Variants in FRMD4A observed in about 807,000 individuals in gnomAD.
The protein encoded by FRMD4A is FERM domain-containing protein 4A.
A neutral mutation model predicts 129.1 loss-of-function variants in FRMD4A; 29 were observed. The ratio of observed to expected loss-of-function variants is 0.22; its 90% CI spans 0.17 to 0.31. FRMD4A has a LOEUF of 0.31. Ranked by LOEUF, FRMD4A falls within the 10% of genes least tolerant of loss-of-function variation. The pLI is 1.00. For synonymous variants in FRMD4A, 634 were observed against 571.6 expected, an observed-to-expected ratio of 1.11 and a Z score of -1.56; for missense variants, 1,272 against 1,375.8, an observed-to-expected ratio of 0.92 and a Z score of 1.19.
chr10:13,743,375 C>G (rs1381525596), intron 9 of FRMD4A, among the ~76,000 whole-genome samples: 1 of 152,100 alleles, frequency 6.6e-6, no homozygotes, highest in Non-Finnish European at 1.5e-5. Context: ...TGTTTCCTAC[C>G]ACGTGACATG....
chr10:13,701,408 A>G lies in FRMD4A; in HGVS notation c.907T>C (p.Leu303=), dbSNP rs780143653. 4.5e-5 allele frequency: 73 copies of G among 1,613,870 alleles called. No homozygotes were observed. In the African/African-American group the frequency reaches 8.1e-4, roughly 18 times the overall value. ...GCCATAGCCCAGATGGACTTGATCA[A>G]TGCCGGACATGCATACCACGTGTGC... ...AVHTWYACPA[L]IKSIWAMAIS... Residue 303 remains leucine, a synonymous_variant, in exon 14 of 25, where the codon TTG becomes CTG. Transcript: ENST00000357447.
At chr10:14,114,226 C>T (rs1444002042) in intron 2 of FRMD4A, among the ~76,000 whole-genome samples, 1 of 152,190 alleles carries the variant, frequency 6.6e-6, no homozygotes, top group Non-Finnish European at 1.5e-5. Context: ...TGGTTATTTT[C>T]CTCAGGCTCT....
chr10:13,813,118 T>G (rs1313148422), intron 3 of FRMD4A, among the ~76,000 whole-genome samples: 1 of 152,218 alleles, frequency 6.6e-6, no homozygotes, highest in Non-Finnish European at 1.5e-5. Context: ...CTGGATCACT[T>G]GTGACTATGA....
At chr10:14,077,977 G>A (rs1209839605) in intron 2 of FRMD4A, among the ~76,000 whole-genome samples, 1 of 152,142 alleles carries the variant, frequency 6.6e-6, no homozygotes, top group African/African-American at 2.4e-5. Flanking sequence ...GATGAGAAAG[G>A]TTTTATAAGG....
chr10:14,136,548 C>T (rs968065683), intron 2 of FRMD4A, among the ~76,000 whole-genome samples: 2 of 152,044 alleles, frequency 1.3e-5, no homozygotes, highest in Non-Finnish European at 2.9e-5. Flanking sequence ...TCCTCTACCC[C>T]CCAACCCCAC....
intron 15 of FRMD4A, among the ~76,000 whole-genome samples, chr10:13,676,911 T>C (rs912326148): frequency 6.6e-6 from 1 of 152,168 alleles, no homozygotes; most frequent in African/African-American, 2.4e-5. Context: ...TAGGAAACAA[T>C]GGATTTTTTG....
At chr10:13,745,024 A>T (rs2091219284) in intron 9 of FRMD4A, among the ~76,000 whole-genome samples, 1 of 152,246 alleles carries the variant, frequency 6.6e-6, no homozygotes. Context: ...TATAGTTAAC[A>T]ATAATTTGTT....
intron 2 of FRMD4A, among the ~76,000 whole-genome samples, chr10:13,970,702 C>CG (rs1420482869): frequency 1.3e-5 from 2 of 152,146 alleles, no homozygotes; most frequent in African/African-American, 4.8e-5. Flanking sequence ...ATGCTGCCTG[C>CG]GCCCCCCACT....
At chr10:13,930,017 C>T (rs1308922783) in intron 2 of FRMD4A, among the ~76,000 whole-genome samples, 1 of 152,108 alleles carries the variant, frequency 6.6e-6, no homozygotes, top group Non-Finnish European at 1.5e-5. Flanking sequence ...AATTATTATT[C>T]AGTGCCAGGA....
At chr10:14,166,703 G>C (rs1841197453) in intron 2 of FRMD4A, among the ~76,000 whole-genome samples, 1 of 152,174 alleles carries the variant, frequency 6.6e-6, no homozygotes, top group African/African-American at 2.4e-5. Flanking sequence ...AACAGGATAG[G>C]AAAAGGGCAA....
At chr10:13,716,228 G>A (rs900907538) in intron 12 of FRMD4A, among the ~76,000 whole-genome samples, 3 of 152,032 alleles carry the variant, frequency 2.0e-5, no homozygotes, top group South Asian at 2.1e-4. Context: ...CAATTCCTCC[G>A]TCCACTGCAA....
At chr10:13,785,967 C>T (rs746119004) in intron 5 of FRMD4A, among the ~76,000 whole-genome samples, 1 of 152,194 alleles carries the variant, frequency 6.6e-6, no homozygotes, top group African/African-American at 2.4e-5. Context: ...TTTTTTGTGG[C>T]CGCATAGTAT....
chr10:13,781,427 G>T (rs1181818761), intron 6 of FRMD4A, among the ~76,000 whole-genome samples: 1 of 136,412 alleles, frequency 7.3e-6, no homozygotes, highest in Non-Finnish European at 1.5e-5. Context: ...GCCCAGGCTG[G>T]AGTGCAGTGG....
At chr10:13,732,695 C>T (rs1301445989) in intron 12 of FRMD4A, among the ~76,000 whole-genome samples, 2 of 152,174 alleles carry the variant, frequency 1.3e-5, no homozygotes, top group Non-Finnish European at 2.9e-5. Flanking sequence ...CCTGGAGGCT[C>T]GAGGTGGCAG....
At chr10:13,659,532 A>G in intron 20 of FRMD4A, 42 bp from the exon 21 acceptor site, 1 of 1,587,876 alleles carries the variant, frequency 6.3e-7, no homozygotes, top group Non-Finnish European at 8.6e-7. Context: ...CCAGACAGAC[A>G]GCACCTTTCC....
intron 2 of FRMD4A, among the ~76,000 whole-genome samples, chr10:13,878,996 A>T (rs1181849782): frequency 6.6e-6 from 1 of 152,226 alleles, no homozygotes; most frequent in Non-Finnish European, 1.5e-5. Flanking sequence ...TGATTGACTA[A>T]AAGTATAAAA....
At chr10:13,783,851 G>T (rs2092793798) in intron 5 of FRMD4A, among the ~76,000 whole-genome samples, 2 of 152,166 alleles carry the variant, frequency 1.3e-5, no homozygotes, top group African/African-American at 4.8e-5. Context: ...CATCTAGATG[G>T]AGCTTATAGA....
intron 3 of FRMD4A, among the ~76,000 whole-genome samples, chr10:13,855,565 C>T (rs1225569153): frequency 6.6e-6 from 1 of 152,144 alleles, no homozygotes; most frequent in East Asian, 1.9e-4. Flanking sequence ...ATCCCCATTT[C>T]TACAGCTCCA....
intron 2 of FRMD4A, among the ~76,000 whole-genome samples, chr10:13,968,412 T>C (rs529111059): frequency 2.0e-5 from 3 of 152,350 alleles, no homozygotes; most frequent in Admixed American, 1.3e-4. Context: ...ATTTCACATT[T>C]GTATCTTTCT....
Sources: allele counts gnomAD v4.1 joint callset (sites outside exome capture counted in the v4.1 genomes callset), GRCh38; gene constraint gnomAD v4.1.1; transcripts MANE v1.5; gene names NCBI Gene and HGNC (gene_info 2026-07-23, HGNC 2026-07-21).